ANKRD36: variants seen among roughly 807,000 people sequenced by gnomAD.
ANKRD36 encodes ankyrin repeat domain-containing protein 36A.
Under a neutral mutation model 278.1 loss-of-function variants are expected in ANKRD36, and 179 were observed. The observed-to-expected ratio is 0.64, with a 90% CI of 0.57 to 0.73. The LOEUF (loss-of-function observed/expected upper bound fraction) is 0.73. Among genes scored for constraint, ANKRD36 ranks in the 30% least tolerant of loss-of-function variants. ANKRD36 has a pLI of 0.00. For synonymous variants in ANKRD36, 320 were observed against 641.1 expected, an observed-to-expected ratio of 0.50 and a Z score of 7.57; for missense variants, 1,159 against 1,956.7, an observed-to-expected ratio of 0.59 and a Z score of 7.69.
At chr2:97,128,719 A>G (rs537226708) in intron 6 of ANKRD36, among the ~76,000 whole-genome samples, 1 of 151,898 alleles carries the variant, frequency 6.6e-6, no homozygotes, top group East Asian at 1.9e-4. Context: ...GTGTGAGAAA[A>G]ACTGTGGTCT....
At chr2:97,146,445 C>T in intron 10 of ANKRD36, 41 bp from the exon 11 acceptor site, 3 of 1,442,656 alleles carry the variant, frequency 2.1e-6, no homozygotes, top group Non-Finnish European at 2.8e-6. Flanking sequence ...TTATAGGTTC[C>T]TATTGTTGAT....
intron 6 of ANKRD36, among the ~76,000 whole-genome samples, chr2:97,136,714 T>C (rs2041602274): frequency 6.6e-6 from 1 of 151,818 alleles, no homozygotes; most frequent in Non-Finnish European, 1.5e-5. Context: ...GAACATCATG[T>C]TGAATATGTG....
At position 97,194,725 on chromosome 2, in the gene ANKRD36, G is replaced by C. The variant is rs767532692; in HGVS notation, c.2450-1G>C. 1 of 1,604,694 alleles carries C rather than the reference G, an allele frequency of 6.2e-7. No homozygotes were observed. The highest frequency in any genetic ancestry group is 8.5e-7 in the Non-Finnish European group (1 of 1,178,540). ...GATTATGTATCCCTTTTGCTTTTCAGTGTCTTCTCGGAAAAAACCAGCCTT... is the reference window on the plus strand; with the variant it reads ...GATTATGTATCCCTTTTGCTTTTCACTGTCTTCTCGGAAAAAACCAGCCTT... On this transcript the variant is annotated splice_acceptor_variant, in intron 38 of 75. Transcript: ENST00000420699. LOFTEE classifies it high-confidence loss of function.
intron 22 of ANKRD36, among the ~76,000 whole-genome samples, chr2:97,170,562 G>A (rs889660322): frequency 6.6e-6 from 1 of 151,880 alleles, no homozygotes; most frequent in African/African-American, 2.4e-5. Flanking sequence ...ATCAATTCAA[G>A]ATGGATTAAA....
intron 28 of ANKRD36, among the ~76,000 whole-genome samples, chr2:97,184,305 C>T (rs183385484): frequency 2.6e-5 from 4 of 151,752 alleles, no homozygotes; most frequent in African/African-American, 4.8e-5. Context: ...AACCACAGTG[C>T]CTCATTCCTG....
intron 12 of ANKRD36, among the ~76,000 whole-genome samples, chr2:97,150,708 A>G (rs1353393410): frequency 4.0e-5 from 6 of 150,892 alleles, no homozygotes; most frequent in Admixed American, 2.0e-4. Context: ...ACAGCCTAAT[A>G]TCTTCCAACT....
chr2:97,158,739 C>G (rs893064396), intron 17 of ANKRD36, 84 bp downstream of exon 17: 2 of 1,318,588 alleles, frequency 1.5e-6, no homozygotes, highest in Non-Finnish European at 2.1e-6. Flanking sequence ...TGTTAATGAT[C>G]TTTAGTTTTA....
At chr2:97,230,970 G>A (rs562320214) in intron 67 of ANKRD36, among the ~76,000 whole-genome samples, 4 of 152,200 alleles carry the variant, frequency 2.6e-5, no homozygotes, top group Non-Finnish European at 4.4e-5. Context: ...CATGAACCGC[G>A]AATGCTGCTG....
Position 97,211,670 on chromosome 2 carries a change from C to G in ANKRD36, c.3398C>G (p.Ala1133Gly), listed in dbSNP as rs2064663875. Residue 1133 changes from alanine to glycine, a missense_variant and splice_region_variant, in exon 58 of 76, where the codon GCT (alanine) becomes GGT (glycine). Ala to Gly is a moderately conservative substitution (Grantham distance 60). Coordinates refer to ENST00000420699, the MANE Select transcript of ANKRD36 (RefSeq NM_001354587.1). ...TGTTTTGTTTCAAATTCTATTCAGG[C>G]TATCTGTGACAAGGAAGATTCTGTT... ...VSSPKQPALK[A>G]ICDKEDSVPN... 6.3e-7 allele frequency: 1 copy of G among 1,593,248 alleles called. No homozygotes were observed. The highest frequency in any genetic ancestry group is 8.5e-7 in the Non-Finnish European group (1 of 1,171,212).
intron 1 of ANKRD36, among the ~76,000 whole-genome samples, chr2:97,115,126 G>T (rs902947988): frequency 6.6e-6 from 1 of 152,090 alleles, no homozygotes; most frequent in Non-Finnish European, 1.5e-5. Context: ...GGCGAAAGCC[G>T]CAATTGCCTT....
intron 62 of ANKRD36, chr2:97,216,551 A>G (rs2065971859): frequency 5.8e-6 from 1 of 172,826 alleles, no homozygotes; most frequent in African/African-American, 2.4e-5. Context: ...TGGAAGGCTA[A>G]ACGAGTGGAT....
rs1421216855 is a variant in ANKRD36, at chr2:97,198,802, G to T, written c.2755+144G>T. On this transcript the variant is annotated intron_variant, in intron 44 of 75. Transcript: ENST00000420699. ...ATTCTTCATTTCAAATAAGTTCTTG[G>T]GTGATGCTGATGCTGCTGGTCTGGA... is the stretch of plus-strand genomic sequence containing the variant. 97 of 1,000,026 alleles carry T rather than the reference G, an allele frequency of 9.7e-5. 2 individuals are homozygous for T. In the South Asian group the frequency reaches 1.6e-3, roughly 17 times the overall value. 61.9% of individuals were successfully genotyped at this position (1,000,026 alleles called of 1,614,324 possible).
In ANKRD36 at chr2:97,220,122, G is replaced by T. The variant is rs2067011839; in HGVS notation, c.3877+876G>T. Among the ~76,000 whole-genome samples the T allele has an allele frequency of 2.1e-5, 3 of 140,252 alleles. No individual in the cohort carries two copies. In the Admixed American group the frequency reaches 2.2e-4, roughly 10 times the overall value. The allele number at this position is 140,252 out of a possible 152,430, so 92.0% of individuals were successfully genotyped here. On this transcript the variant is annotated intron_variant, in intron 66 of 75. Transcript: ENST00000420699. ...TGTTTTTAATTTTAATGAGTAAATT[G>T]TAGGTGTTTATGTTTATGGAGTAGA...
chr2:97,220,264 G>A (rs1370395186), intron 66 of ANKRD36, among the ~76,000 whole-genome samples: 1 of 149,044 alleles, frequency 6.7e-6, no homozygotes, highest in Non-Finnish European at 1.5e-5. Context: ...TACTTCCTCA[G>A]TAATGCTAAA....
At chr2:97,217,539 C>T (rs1010920613) in intron 64 of ANKRD36, among the ~76,000 whole-genome samples, 167 bp downstream of exon 64, 5 of 152,040 alleles carry the variant, frequency 3.3e-5, no homozygotes, top group Admixed American at 6.6e-5. Flanking sequence ...GCTGCTGGTC[C>T]TTGGCCATGA....
At chr2:97,133,099 C>G (rs1459562059) in intron 6 of ANKRD36, among the ~76,000 whole-genome samples, 1 of 151,992 alleles carries the variant, frequency 6.6e-6, no homozygotes, top group Non-Finnish European at 1.5e-5. Flanking sequence ...TACAAATTTC[C>G]AAACACCAGC....
In ANKRD36 at chr2:97,164,484, A is replaced by G. The variant is rs1479950864; in HGVS notation, c.1531+15A>G. 5 of 1,533,894 alleles carry G rather than the reference A, an allele frequency of 3.3e-6. No homozygotes were observed. In the Admixed American group the frequency reaches 5.9e-5, roughly 18 times the overall value. ...TTCCAGTGAAGGTAAATTTGCCGCTACAAATTTCGTTCTAGAAAATGTAGA... is the reference window on the plus strand; with the variant it reads ...TTCCAGTGAAGGTAAATTTGCCGCTGCAAATTTCGTTCTAGAAAATGTAGA... On this transcript the variant is annotated intron_variant, in intron 20 of 75. Transcript: ENST00000420699.
Position 97,191,157 on chromosome 2 carries a change from A to C in ANKRD36, c.2323A>C (p.Lys775Gln), listed in dbSNP as rs1284152143. The change falls in exon 36 of 76, where the codon AAG becomes CAG. Residue 775 changes from lysine (K) to glutamine (Q), a missense_variant. Transcript: ENST00000420699. ...DSVSNIATEI[K>Q]DGEKSGTVSS... Reference sequence around the variant, plus strand: ...TGTTTCGAACATAGCCACAGAAATAAAGGATGGAGAAAAATCTGGGACAGG... The same window carrying C: ...TGTTTCGAACATAGCCACAGAAATACAGGATGGAGAAAAATCTGGGACAGG... 1.9e-6 allele frequency: 3 copies of C among 1,596,930 alleles called. No individual in the cohort carries two copies. The African/African-American group carries it at 4.0e-5, about 22-fold the overall frequency.
chr2:97,190,005 A>G lies in ANKRD36; in HGVS notation c.2245+715A>G, dbSNP rs2058156611. On this transcript the variant is annotated intron_variant, in intron 34 of 75. Coordinates refer to ENST00000420699, the MANE Select transcript of ANKRD36 (RefSeq NM_001354587.1). ...GATACATGTTTTGTTGACTTTACTTATAAAAATGAGATAAAGTTGAATATG... is the reference window on the plus strand; with the variant it reads ...GATACATGTTTTGTTGACTTTACTTGTAAAAATGAGATAAAGTTGAATATG... Among the ~76,000 whole-genome samples, 2 of 84,974 alleles carry G rather than the reference A, an allele frequency of 2.4e-5. 1 individual carries two copies. Among genetic ancestry groups the G allele is most frequent in the African/African-American group, 5.4e-5 (2 of 37,290 alleles). 55.7% of individuals were successfully genotyped at this position (84,974 alleles called of 152,430 possible).
Sources: allele counts gnomAD v4.1 joint callset (sites outside exome capture counted in the v4.1 genomes callset), GRCh38; gene constraint gnomAD v4.1.1; transcripts MANE v1.5; gene names NCBI Gene and HGNC (gene_info 2026-07-23, HGNC 2026-07-21).